Variants in NTM observed in about 807,000 individuals in gnomAD.
The protein encoded by NTM is IgLON family member 2.
In NTM, 13 loss-of-function variants were observed where a neutral mutation model predicts 42.1. The observed-to-expected ratio is 0.31, with a 90% CI of 0.20 to 0.49. The LOEUF is 0.49. Ranked by LOEUF, NTM falls within the 20% of genes least tolerant of loss-of-function variation. The pLI is 0.99. For synonymous variants in NTM, 187 were observed against 179.2 expected, an observed-to-expected ratio of 1.04 and a Z score of -0.35; for missense variants, 373 against 452.8, an observed-to-expected ratio of 0.82 and a Z score of 1.60.
intron 1 of NTM, among the ~76,000 whole-genome samples, chr11:131,495,327 T>A (rs1955225822): frequency 6.6e-6 from 1 of 152,214 alleles, no homozygotes; most frequent in African/African-American, 2.4e-5. Flanking sequence ...TTGTTTGTGA[T>A]TTTTGACATG....
intron 1 of NTM, among the ~76,000 whole-genome samples, chr11:131,473,863 C>T (rs1050600671): frequency 1.3e-5 from 2 of 152,162 alleles, no homozygotes; most frequent in African/African-American, 2.4e-5. Flanking sequence ...CCATCTCTGG[C>T]GTCTTCAATC....
At chr11:131,966,871 G>A (rs1313438299) in intron 2 of NTM, among the ~76,000 whole-genome samples, 1 of 152,190 alleles carries the variant, frequency 6.6e-6, no homozygotes, top group East Asian at 1.9e-4. Flanking sequence ...GGAAGCTGCT[G>A]CTGTTGTCAC....
At position 131,884,756 on chromosome 11, in the gene NTM, C is replaced by G. The variant is rs79624175; in HGVS notation, c.83-26808C>G. Among the ~76,000 whole-genome samples the G allele has an allele frequency of 1.8e-3, 276 of 152,272 alleles. 1 individual carries two copies. The highest frequency in any genetic ancestry group is 3.0e-3 in the Non-Finnish European group (206 of 68,024). On this transcript the variant is annotated intron_variant, in intron 1 of 8. Coordinates refer to ENST00000683400, the MANE Select transcript of NTM (RefSeq NM_001352005.2). The stretch of plus-strand genomic sequence containing the variant: ...TATCTTGAGCTGGTGATTGACAAAT[C>G]CCATAGGAACTATGTCACCTGTGGG...
At chr11:131,438,524 G>A (rs2084438) in intron 1 of NTM, among the ~76,000 whole-genome samples, 144,325 of 152,232 alleles carry the variant, frequency 0.95, 68,459 homozygotes, top group East Asian at 1. Context: ...GCTTTATTTC[G>A]TTAATTTGAC....
At chr11:132,061,590 A>G (rs760937253) in intron 2 of NTM, among the ~76,000 whole-genome samples, 2 of 152,240 alleles carry the variant, frequency 1.3e-5, no homozygotes, top group Non-Finnish European at 2.9e-5. Flanking sequence ...GGGATAATGC[A>G]TGGTGATCTA....
At chr11:131,859,948 C>A (rs914458240) in intron 1 of NTM, among the ~76,000 whole-genome samples, 1 of 151,996 alleles carries the variant, frequency 6.6e-6, no homozygotes, top group Non-Finnish European at 1.5e-5. Flanking sequence ...ACTTCCTCCC[C>A]ACTCCCCCTT....
intron 1 of NTM, among the ~76,000 whole-genome samples, chr11:131,436,568 C>T (rs1056847596): frequency 9.2e-5 from 14 of 152,130 alleles, no homozygotes; most frequent in Non-Finnish European, 1.5e-4. Flanking sequence ...AGTTTATTTG[C>T]GTAGAGATGT....
chr11:132,231,938 G>A (rs1397500320), intron 4 of NTM, among the ~76,000 whole-genome samples: 2 of 152,176 alleles, frequency 1.3e-5, no homozygotes, highest in African/African-American at 2.4e-5. Flanking sequence ...AATGGATAGG[G>A]CAGTGCAGTG....
chr11:131,610,932 A>G (rs188602649), intron 1 of NTM, among the ~76,000 whole-genome samples: 1 of 152,354 alleles, frequency 6.6e-6, no homozygotes, highest in East Asian at 1.9e-4. Context: ...CATTTAAGAA[A>G]AATTGATCTG....
At chr11:131,764,398 G>A (rs2084772897) in intron 1 of NTM, among the ~76,000 whole-genome samples, 1 of 152,116 alleles carries the variant, frequency 6.6e-6, no homozygotes, top group Admixed American at 6.5e-5. Context: ...CCATAGACAG[G>A]ATACCCTGTG....
chr11:131,812,184 C>CTCTCTA (rs1491254323), intron 1 of NTM, among the ~76,000 whole-genome samples: 2 of 4,402 alleles, frequency 4.5e-4, no homozygotes, highest in African/African-American at 3.5e-3. Flanking sequence ...ATTAGTCAGC[C>CTCTCTA]TCTCTCTCTC....
intron 1 of NTM, among the ~76,000 whole-genome samples, chr11:131,511,037 T>C (rs755481696): frequency 1.3e-5 from 2 of 150,212 alleles, no homozygotes; most frequent in Non-Finnish European, 3.0e-5. Flanking sequence ...GGAACTCCAG[T>C]TCTTCAGGTT....
At chr11:131,987,440 C>G (rs1376165190) in intron 2 of NTM, among the ~76,000 whole-genome samples, 1 of 141,996 alleles carries the variant, frequency 7.0e-6, no homozygotes, top group East Asian at 2.2e-4. Context: ...TATTTTCATT[C>G]CAGCCCATCC....
chr11:132,295,744 A>G (rs1013428913), intron 4 of NTM, among the ~76,000 whole-genome samples: 5 of 152,202 alleles, frequency 3.3e-5, no homozygotes, highest in African/African-American at 1.2e-4. Flanking sequence ...GATGTAGGCA[A>G]GAGCCAGCTC....
chr11:131,473,760 G>A (rs1436444694), intron 1 of NTM, among the ~76,000 whole-genome samples: 4 of 152,074 alleles, frequency 2.6e-5, no homozygotes, highest in Non-Finnish European at 5.9e-5. Context: ...CACTCTCCCA[G>A]CCAAATCACA....
intron 4 of NTM, among the ~76,000 whole-genome samples, chr11:132,297,360 T>A (rs142656520): frequency 2.0e-5 from 3 of 152,336 alleles, no homozygotes; most frequent in Non-Finnish European, 4.4e-5. Context: ...AAAGCCTGCG[T>A]TTTGCTCTGC....
intron 4 of NTM, among the ~76,000 whole-genome samples, chr11:132,273,788 T>C (rs2093603608): frequency 6.6e-6 from 1 of 152,086 alleles, no homozygotes; most frequent in African/African-American, 2.4e-5. Flanking sequence ...ATGCCTGTAA[T>C]CCCAGCTACT....
chr11:131,652,911 A>G (rs922272821), intron 1 of NTM, among the ~76,000 whole-genome samples: 12 of 152,336 alleles, frequency 7.9e-5, no homozygotes, highest in African/African-American at 2.6e-4. Flanking sequence ...CTTGGAATGC[A>G]ACCTGCACAA....
At chr11:132,209,663 T>C (rs1010011821) in intron 3 of NTM, among the ~76,000 whole-genome samples, 5 of 152,228 alleles carry the variant, frequency 3.3e-5, no homozygotes, top group African/African-American at 4.8e-5. Flanking sequence ...ACTACAGTGC[T>C]GTGGAATCCC....
Sources: gnomAD v4.1 joint callset for allele counts (sites outside exome capture counted in the v4.1 genomes callset) on GRCh38, gnomAD v4.1.1 for gene constraint, MANE v1.5 for transcripts, NCBI Gene and HGNC (gene_info 2026-07-23, HGNC 2026-07-21) for gene names.